Variants in RPS6KB1 observed in about 807,000 individuals in gnomAD.
RPS6KB1 encodes ribosomal protein S6 kinase B1, also known as ribosomal protein S6 kinase beta-1.
In RPS6KB1, 12 loss-of-function variants were observed where a neutral mutation model predicts 70.2. The ratio of observed to expected loss-of-function variants is 0.17; its 90% CI spans 0.11 to 0.28. RPS6KB1 has a LOEUF of 0.28. Among genes scored for constraint, RPS6KB1 ranks in the 10% least tolerant of loss-of-function variants. The probability of loss-of-function intolerance (pLI) is 1.00; values close to 1 mark genes in which losing one functional copy is unlikely to be tolerated. For synonymous variants in RPS6KB1, 175 were observed against 211.2 expected (o/e 0.83, Z 1.49); for missense variants, 270 against 646.6 (o/e 0.42, Z 6.32).
intron 1 of RPS6KB1, among the ~76,000 whole-genome samples, chr17:59,896,916 T>TA (rs770295990): frequency 0.016 from 2,148 of 135,708 alleles, 37 homozygotes; most frequent in African/African-American, 0.051. Context: ...TACCCTGAAA[T>TA]AAAAAAAAAA....
intron 4 of RPS6KB1, among the ~76,000 whole-genome samples, chr17:59,922,312 A>T (rs1210097653): frequency 6.6e-6 from 1 of 151,940 alleles, no homozygotes; most frequent in African/African-American, 2.4e-5. Context: ...AAGTGTTGAG[A>T]TTACAGACTT....
At position 59,947,453 on chromosome 17, in the gene RPS6KB1, C is replaced by A. The variant is rs765745400; in HGVS notation, c.*665C>A. The A allele has an allele frequency of 1.5e-6, 2 of 1,309,930 alleles. No homozygotes were observed. Among genetic ancestry groups the A allele is most frequent in the Middle Eastern group, 2.0e-4 (1 of 5,002 alleles). 81.1% of individuals were successfully genotyped at this position (1,309,930 alleles called of 1,614,324 possible). On this transcript the variant is annotated 3_prime_UTR_variant, in exon 15 of 15. Transcript: ENST00000225577. ...GTGAAATAATAAAATGCAAATGAAT[C>A]ATTGTTAACCACAGCTGTGGCTCGT...
intron 4 of RPS6KB1, among the ~76,000 whole-genome samples, chr17:59,915,146 G>C (rs1368380639): frequency 6.6e-6 from 1 of 151,728 alleles, no homozygotes; most frequent in Non-Finnish European, 1.5e-5. Flanking sequence ...ATGCTGCCAC[G>C]CCCAGCTACT....
intron 4 of RPS6KB1, 125 bp from the exon 5 acceptor site, chr17:59,926,310 A>G: frequency 1.4e-6 from 1 of 708,812 alleles, no homozygotes; most frequent in South Asian, 2.2e-5. Context: ...CTCAGTTTCT[A>G]GTGGGAACTA....
In RPS6KB1 at chr17:59,893,637, G is replaced by A. The variant is rs1299329992; in HGVS notation, c.141+312G>A. 6.6e-6 allele frequency among the ~76,000 whole-genome samples: 1 copy of A among 152,202 alleles called. No homozygotes were observed. Among genetic ancestry groups the A allele is most frequent in the African/African-American group, 2.4e-5 (1 of 41,444 alleles). ...ACTTGAGTGTGGCGGGGAGCGGGTG[G>A]CGTGAGCGTGTGTTGGGGAGACGGG... On this transcript the variant is annotated intron_variant, in intron 1 of 14. Transcript: ENST00000225577. The surrounding 1 kb of genome is among the most constrained non-coding windows in gnomAD (Gnocchi z 4.1).
At chr17:59,918,833 T>C (rs1447204480) in intron 4 of RPS6KB1, among the ~76,000 whole-genome samples, 1 of 146,002 alleles carries the variant, frequency 6.8e-6, no homozygotes, top group Admixed American at 6.8e-5. Flanking sequence ...ATTATTCTTT[T>C]TTTTTTTTTT....
chr17:59,939,851 C>T (rs985180671), intron 12 of RPS6KB1, among the ~76,000 whole-genome samples: 13 of 152,132 alleles, frequency 8.5e-5, no homozygotes, highest in African/African-American at 3.1e-4. Context: ...AGTATTAAGT[C>T]AGATATTCTA....
At chr17:59,902,100 CTTTTTTTTTT>C (rs35721755) in intron 1 of RPS6KB1, among the ~76,000 whole-genome samples, 5 of 81,608 alleles carry the variant, frequency 6.1e-5, no homozygotes, top group Non-Finnish European at 6.3e-5. Context: ...GTGGCTTTCA[CTTTTTTTTTT>C]TTTTTTTTTT....
chr17:59,938,423 A>T (rs1386379013), intron 12 of RPS6KB1, among the ~76,000 whole-genome samples: 1 of 150,750 alleles, frequency 6.6e-6, no homozygotes. Context: ...TCCTGTTTGT[A>T]AGGATTTAAT....
intron 2 of RPS6KB1, chr17:59,912,233 A>G: frequency 4.5e-6 from 1 of 220,532 alleles, no homozygotes; most frequent in Non-Finnish European, 9.6e-6. Context: ...TCACCCATGA[A>G]AATTCAATCA....
chr17:59,894,194 G>T (rs1255758733), intron 1 of RPS6KB1, among the ~76,000 whole-genome samples: 1 of 152,132 alleles, frequency 6.6e-6, no homozygotes, highest in Non-Finnish European at 1.5e-5. Context: ...GCTAAATTTA[G>T]AATTGTATTT....
At chr17:59,924,127 G>C (rs1043622541) in intron 4 of RPS6KB1, among the ~76,000 whole-genome samples, 1 of 151,970 alleles carries the variant, frequency 6.6e-6, no homozygotes, top group African/African-American at 2.4e-5. Flanking sequence ...AGCTCAGTTC[G>C]AAACCAGCCT....
rs931979433 is a variant in RPS6KB1, at chr17:59,893,717, T to C, written c.141+392T>C. On this transcript the variant is annotated intron_variant, in intron 1 of 14. Transcript: ENST00000225577. This position sits in a 1 kb window ranked among gnomAD's most constrained non-coding sequence, Gnocchi z 4.1. ...CAGGCGAAGTGTGGAGGGTTTCCCTTCGAGTCTAGAATTTCAAGTATTGAA... is the reference window on the plus strand; with the variant it reads ...CAGGCGAAGTGTGGAGGGTTTCCCTCCGAGTCTAGAATTTCAAGTATTGAA... The C allele has an allele frequency of 6.3e-6, 6 of 955,040 alleles. No individual in the cohort carries two copies. The Admixed American group carries it at 3.3e-4, about 52-fold the overall frequency. The allele number at this position is 955,040 out of a possible 1,614,324, so 59.2% of individuals were successfully genotyped here.
rs772649368 is a variant in RPS6KB1 at position 59,931,590 on chromosome 17, T to C, written c.588-32T>C. On this transcript the variant is annotated intron_variant, in intron 6 of 14. Transcript: ENST00000225577. ...AACTGCTTTGGATAGATTACACTCT[T>C]TTTAATTTTATTAAATCACTTTTGT... is the stretch of plus-strand genomic sequence containing the variant. 3 of 1,551,242 alleles carry C rather than the reference T, an allele frequency of 1.9e-6. No homozygotes were observed. In the East Asian group the frequency reaches 6.7e-5, roughly 35 times the overall value.
intron 1 of RPS6KB1, among the ~76,000 whole-genome samples, chr17:59,908,161 G>A (rs551263051): frequency 6.6e-6 from 1 of 151,914 alleles, no homozygotes; most frequent in South Asian, 2.1e-4. Context: ...TATTCAGAAT[G>A]TAGTGCCTTT....
intron 1 of RPS6KB1, among the ~76,000 whole-genome samples, chr17:59,896,916 TAA>T (rs770295990): frequency 5.2e-5 from 7 of 135,760 alleles, no homozygotes; most frequent in Admixed American, 7.4e-5. Context: ...TACCCTGAAA[TAA>T]AAAAAAAAAA....
At chr17:59,928,632 G>C (rs2043764054) in intron 5 of RPS6KB1, among the ~76,000 whole-genome samples, 1 of 152,140 alleles carries the variant, frequency 6.6e-6, no homozygotes, top group Admixed American at 6.5e-5. Flanking sequence ...TTACAGGTGT[G>C]AGCCATTGCA....
intron 3 of RPS6KB1, among the ~76,000 whole-genome samples, chr17:59,913,185 A>G (rs1598710985): frequency 6.6e-6 from 1 of 152,174 alleles, no homozygotes; most frequent in African/African-American, 2.4e-5. Flanking sequence ...TGAGACCTTA[A>G]TCTCAACTGG....
intron 1 of RPS6KB1, among the ~76,000 whole-genome samples, chr17:59,897,321 A>G (rs1402526441): frequency 6.6e-6 from 1 of 152,212 alleles, no homozygotes; most frequent in African/African-American, 2.4e-5. Flanking sequence ...AAAGTACAGT[A>G]CTCTCAAAAT....
Sources: allele counts gnomAD v4.1 joint callset (sites outside exome capture counted in the v4.1 genomes callset), GRCh38; gene constraint gnomAD v4.1.1; non-coding constraint Gnocchi (gnomAD v3.1); transcripts MANE v1.5; gene names NCBI Gene and HGNC (gene_info 2026-07-23, HGNC 2026-07-21).